The following PDE4D variants were observed in gnomAD, a reference collection of about 807,000 sequenced individuals.
PDE4D encodes the protein 3',5'-cyclic-AMP phosphodiesterase 4D.
Under a neutral mutation model 87.4 loss-of-function variants are expected in PDE4D, and 24 were observed. The ratio of observed to expected loss-of-function variants is 0.27; its 90% confidence interval spans 0.20 to 0.39. The LOEUF (loss-of-function observed/expected upper bound fraction) is 0.39, where lower values mean the gene tolerates loss of function less well. Among genes scored for constraint, PDE4D ranks in the 10% least tolerant of loss-of-function variants. The probability of loss-of-function intolerance (pLI) is 1.00; values close to 1 mark genes in which losing one functional copy is unlikely to be tolerated. For missense variants in PDE4D, 714 were observed against 1,041.0 expected (o/e 0.69, Z 4.32); for synonymous variants, 384 against 383.2 (o/e 1.00, Z -0.02).
chr5:59,259,736 A>G (rs374692374), intron 1 of PDE4D, among the ~76,000 whole-genome samples: 1 of 151,806 alleles, frequency 6.6e-6, no homozygotes, highest in East Asian at 1.9e-4. Context: ...TGTTCTATTT[A>G]CCCATCAAAA....
chr5:60,114,644 T>C (rs763725297), intron 2 of PDE4D, among the ~76,000 whole-genome samples: 7 of 152,114 alleles, frequency 4.6e-5, no homozygotes, highest in African/African-American at 7.2e-5. Context: ...TTATCCCTGA[T>C]GTTGCCCCAA....
intron 3 of PDE4D, among the ~76,000 whole-genome samples, chr5:59,946,863 G>A (rs1757776253): frequency 6.6e-6 from 1 of 152,226 alleles, no homozygotes; most frequent in Non-Finnish European, 1.5e-5. Flanking sequence ...TAACCGAGTT[G>A]TGTATTACAT....
chr5:59,590,432 C>A (rs1315589401), intron 1 of PDE4D, among the ~76,000 whole-genome samples: 1 of 152,088 alleles, frequency 6.6e-6, no homozygotes, highest in East Asian at 1.9e-4. Flanking sequence ...GTAGTCCTAG[C>A]TACTTGGAAG....
chr5:59,015,345 A>C (rs1057185904), intron 6 of PDE4D, among the ~76,000 whole-genome samples: 2 of 152,054 alleles, frequency 1.3e-5, no homozygotes, highest in African/African-American at 4.8e-5. Context: ...CAACCTACAG[A>C]ATGGGAGAAA....
At chr5:60,016,175 T>C (rs2152848644) in intron 2 of PDE4D, among the ~76,000 whole-genome samples, 1 of 151,856 alleles carries the variant, frequency 6.6e-6, no homozygotes, top group South Asian at 2.1e-4. Flanking sequence ...TCACATGAAT[T>C]TTTTTGTTTC....
In PDE4D at chr5:59,066,273, G is replaced by T. The variant is rs1040907549; in HGVS notation, c.809-27302C>A. ...CTCCAAAAGCACATGCAGGAACACA[G>T]AGAGAGGCACTCTTAGTCTTGGAGG... On this transcript the variant is annotated intron_variant, in intron 5 of 14. Coordinates refer to ENST00000340635, the MANE Select transcript of PDE4D (RefSeq NM_001104631.2). Among the ~76,000 whole-genome samples the T allele has an allele frequency of 5.9e-5, 9 of 152,118 alleles. 1 individual carries two copies. The highest frequency in any genetic ancestry group is 5.2e-4 in the Admixed American group (8 of 15,260).
chr5:60,018,484 T>C (rs1274837916), intron 2 of PDE4D, among the ~76,000 whole-genome samples: 1 of 152,116 alleles, frequency 6.6e-6, no homozygotes, highest in Non-Finnish European at 1.5e-5. Flanking sequence ...AATTTACACA[T>C]AACAATATTA....
Position 59,169,364 on chromosome 5 carries a change from G to A in PDE4D, c.808+11231C>T, listed in dbSNP as rs1782411841. Among the ~76,000 whole-genome samples the A allele has an allele frequency of 2.6e-5, 4 of 151,406 alleles. No individual in the cohort carries two copies. The South Asian group carries it at 8.4e-4, about 32-fold the overall frequency. ...TTAGTTTAAGGAGACTTGGTACTGT[G>A]TCCAAGAAGACAAAAAGAATGCAAT... On this transcript the variant is annotated intron_variant, in intron 5 of 14. Coordinates refer to ENST00000340635, the MANE Select transcript of PDE4D (RefSeq NM_001104631.2).
chr5:60,082,024 C>T (rs1293978105), intron 2 of PDE4D, among the ~76,000 whole-genome samples: 1 of 152,204 alleles, frequency 6.6e-6, no homozygotes, highest in African/African-American at 2.4e-5. Flanking sequence ...CTCCATTCCT[C>T]ACTATAGCAG....
chr5:59,818,050 A>G (rs1212643319), intron 1 of PDE4D, among the ~76,000 whole-genome samples: 1 of 152,164 alleles, frequency 6.6e-6, no homozygotes, highest in Non-Finnish European at 1.5e-5. Flanking sequence ...AGGGACATTG[A>G]GCAGAGAGCC....
chr5:60,118,346 C>G (rs994459923), intron 2 of PDE4D, among the ~76,000 whole-genome samples: 1 of 152,088 alleles, frequency 6.6e-6, no homozygotes, highest in African/African-American at 2.4e-5. Flanking sequence ...GCTTTTGTTC[C>G]AGTTACTCTA....
At chr5:59,275,569 G>A (rs1764646395) in intron 1 of PDE4D, 4 of 1,408,958 alleles carry the variant, frequency 2.8e-6, no homozygotes, top group South Asian at 3.3e-5. Context: ...CAGCTCATGG[G>A]CAAGGTTCTA....
At position 59,242,305 on chromosome 5, in the gene PDE4D, A is replaced by G. The variant is rs1757838900; in HGVS notation, c.456-26337T>C. The stretch of plus-strand genomic sequence containing the variant: ...AGATTATAGCTCTATGGTGGCCTGG[A>G]GAACCTCACACTTCTTAATGGGTTC... On this transcript the variant is annotated intron_variant, in intron 1 of 14. Transcript: ENST00000340635. 2.0e-5 allele frequency among the ~76,000 whole-genome samples: 3 copies of G among 152,254 alleles called. 1 individual carries two copies. In the South Asian group the frequency reaches 6.2e-4, roughly 32 times the overall value.
At chr5:59,813,781 G>T in intron 1 of PDE4D, among the ~76,000 whole-genome samples, 1 of 152,186 alleles carries the variant, frequency 6.6e-6, no homozygotes, top group Non-Finnish European at 1.5e-5. Flanking sequence ...GCACATCACT[G>T]TCTGGGCAGG....
chr5:60,269,713 CACAAAAAAGTTATACAT>C (rs1487789929), intron 1 of PDE4D, among the ~76,000 whole-genome samples: 1 of 151,168 alleles, frequency 6.6e-6, no homozygotes, highest in Non-Finnish European at 1.5e-5. Flanking sequence ...ATGTTCTTAC[CACAAAAAAGTTATACAT>C]ATGTAAGATG....
At chr5:59,425,325 C>T (rs1795037466) in intron 1 of PDE4D, among the ~76,000 whole-genome samples, 1 of 152,162 alleles carries the variant, frequency 6.6e-6, no homozygotes, top group South Asian at 2.1e-4. Context: ...AATTGATTCA[C>T]ATAAGGTTTT....
chr5:59,366,311 GT>G (rs1471941251), intron 1 of PDE4D, among the ~76,000 whole-genome samples: 4 of 152,064 alleles, frequency 2.6e-5, no homozygotes, highest in African/African-American at 9.6e-5. Flanking sequence ...AAGACAATTT[GT>G]TTTTTTCTAT....
At chr5:59,061,489 C>T (rs1219113213) in intron 5 of PDE4D, among the ~76,000 whole-genome samples, 3 of 152,104 alleles carry the variant, frequency 2.0e-5, no homozygotes, top group African/African-American at 7.2e-5. Flanking sequence ...TATTTGCACA[C>T]ACTCGAGGCC....
At chr5:59,218,374 A>C (rs1751727270) in intron 1 of PDE4D, among the ~76,000 whole-genome samples, 1 of 152,158 alleles carries the variant, frequency 6.6e-6, no homozygotes, top group Admixed American at 6.6e-5. Flanking sequence ...TTCTTTAATT[A>C]TAATTTTTCC....
Sources: allele counts gnomAD v4.1 joint callset (sites outside exome capture counted in the v4.1 genomes callset), GRCh38; gene constraint gnomAD v4.1.1; transcripts MANE v1.5; gene names NCBI Gene and HGNC (gene_info 2026-07-23, HGNC 2026-07-21).